CHKA: variants seen among roughly 807,000 people sequenced by gnomAD.
CHKA encodes the protein choline kinase alpha, also known as CHETK-alpha.
In CHKA, 34 loss-of-function variants were observed where a neutral mutation model predicts 60.1. That is an observed-to-expected ratio of 0.57 (90% CI 0.43 to 0.75). The LOEUF (loss-of-function observed/expected upper bound fraction) is 0.75. CHKA is among the 30% of genes least tolerant of loss of function. The pLI, the probability that CHKA is intolerant of heterozygous loss-of-function variation, is 0.00. For missense variants in CHKA, 563 were observed against 561.3 expected (o/e 1.00, Z -0.03); for synonymous variants, 217 against 223.1 (o/e 0.97, Z 0.24).
At chr11:68,094,609 A>G (rs897973611) in intron 2 of CHKA, among the ~76,000 whole-genome samples, 3 of 152,198 alleles carry the variant, frequency 2.0e-5, no homozygotes, top group Non-Finnish European at 2.9e-5. Context: ...ATACTTTGAA[A>G]CTGCAACCTG....
Position 68,121,042 on chromosome 11 carries a change from T to C in CHKA, c.136A>G (p.Lys46Glu), listed in dbSNP as rs1858626932. The change falls in exon 1 of 12, where the codon AAG (lysine) becomes GAG (glutamate). Residue 46 changes from lysine (K) to glutamate (E), a missense_variant. By Grantham distance (56) the Lys-to-Glu change is moderately conservative. Coordinates refer to ENST00000265689, the MANE Select transcript of CHKA (RefSeq NM_001277.3). The part of the protein sequence containing the change: ...QRDAASDLES[K>E]QLGGQQPPLA... ...GGCGGCTGTTGGCCGCCCAGCTGCT[T>C]GGACTCGAGGTCGCTGGCGGCGTCG... is the stretch of plus-strand genomic sequence containing the variant. 2 of 1,105,844 alleles carry C rather than the reference T, an allele frequency of 1.8e-6. No homozygotes were observed. Among genetic ancestry groups the C allele is most frequent in the Non-Finnish European group, 2.2e-6 (2 of 908,858 alleles). 68.5% of individuals were successfully genotyped at this position (1,105,844 alleles called of 1,614,324 possible).
At chr11:68,120,352 C>G (rs1038829957) in intron 1 of CHKA, among the ~76,000 whole-genome samples, 8 of 152,200 alleles carry the variant, frequency 5.3e-5, no homozygotes, top group African/African-American at 1.9e-4. Flanking sequence ...AATGCTACTC[C>G]TCCACTAACA....
At chr11:68,117,959 G>C (rs1858454887) in intron 1 of CHKA, among the ~76,000 whole-genome samples, 1 of 152,196 alleles carries the variant, frequency 6.6e-6, no homozygotes, top group Non-Finnish European at 1.5e-5. Context: ...CTGGGGGAAT[G>C]CAGAGTTAGA....
rs145407661 is a variant in CHKA at position 68,088,588 on chromosome 11, T to C, written c.463-7131A>G. On this transcript the variant is annotated intron_variant, in intron 2 of 11. Coordinates refer to ENST00000265689, the MANE Select transcript of CHKA (RefSeq NM_001277.3). ...ACTCTATAGAATGTGTTCAATTCTA[T>C]AGAATTGAAAGAGTTATGTGACTCT... is the stretch of plus-strand genomic sequence containing the variant. Among the ~76,000 whole-genome samples the C allele has an allele frequency of 1.1e-3, 160 of 152,300 alleles. 1 individual carries two copies. Among genetic ancestry groups the C allele is most frequent in the East Asian group, 5.6e-3 (29 of 5,194 alleles).
At chr11:68,092,997 T>C (rs1222351241) in intron 2 of CHKA, among the ~76,000 whole-genome samples, 2 of 35,598 alleles carry the variant, frequency 5.6e-5, no homozygotes, top group Non-Finnish European at 1.1e-4. Flanking sequence ...TCCCATCCAG[T>C]TTTTTTTGGG....
chr11:68,105,685 G>A (rs954090896), intron 1 of CHKA, among the ~76,000 whole-genome samples: 5 of 152,134 alleles, frequency 3.3e-5, no homozygotes, highest in Admixed American at 1.3e-4. Context: ...TGCTTAGGCA[G>A]ATGACAAACC....
In CHKA at chr11:68,070,712, T is replaced by C. The variant is rs375282627; in HGVS notation, c.764+12A>G. The C allele has an allele frequency of 2.2e-5, 35 of 1,607,364 alleles. No homozygotes were observed. Among genetic ancestry groups the C allele is most frequent in the Non-Finnish European group, 2.8e-5 (33 of 1,174,336 alleles). The stretch of plus-strand genomic sequence containing the variant: ...TAAAACTATGTTAGGACCAAGTGAT[T>C]TGACCACTTACTTTTCCATTGTGCC... On this transcript the variant is annotated intron_variant, in intron 5 of 11. Transcript: ENST00000265689.
chr11:68,109,026 A>T (rs550704416), intron 1 of CHKA, among the ~76,000 whole-genome samples: 2 of 152,096 alleles, frequency 1.3e-5, no homozygotes, highest in Non-Finnish European at 2.9e-5. Context: ...AGGGGGGGAA[A>T]AAATCCCTTC....
intron 1 of CHKA, among the ~76,000 whole-genome samples, chr11:68,113,764 G>A (rs1858270861): frequency 6.6e-6 from 1 of 152,078 alleles, no homozygotes; most frequent in East Asian, 1.9e-4. Flanking sequence ...GGAGGCCGAG[G>A]CAGGTGGATC....
In CHKA at chr11:68,067,205, T is replaced by C. The variant is rs367700436; in HGVS notation, c.929-689A>G. ...GCTGCTGGCACCAGTGAGCCAACCT[T>C]CGCTAGGTTTTCAGCAGCTCTCTCT... On this transcript the variant is annotated intron_variant, in intron 7 of 11. Coordinates refer to ENST00000265689, the MANE Select transcript of CHKA (RefSeq NM_001277.3). 2.6e-5 allele frequency among the ~76,000 whole-genome samples: 4 copies of C among 152,196 alleles called. No homozygotes were observed. In the East Asian group the frequency reaches 5.8e-4, roughly 22 times the overall value.
intron 1 of CHKA, among the ~76,000 whole-genome samples, chr11:68,102,078 T>C (rs1234348981): frequency 6.8e-6 from 1 of 146,054 alleles, no homozygotes; most frequent in East Asian, 2.0e-4. Flanking sequence ...CCAGCCTGGG[T>C]GACAGAGCAA....
At chr11:68,084,893 A>G (rs1258402115) in intron 2 of CHKA, among the ~76,000 whole-genome samples, 1 of 152,208 alleles carries the variant, frequency 6.6e-6, no homozygotes, top group Non-Finnish European at 1.5e-5. Flanking sequence ...GAAATTCCCC[A>G]TAATAAAAAC....
chr11:68,065,924 A>G (rs1856427353), intron 8 of CHKA, 30 bp from the exon 9 acceptor site: 3 of 1,505,356 alleles, frequency 2.0e-6, no homozygotes, highest in African/African-American at 1.4e-5. Flanking sequence ...AGTGCACACA[A>G]TGAGGCAAAC....
At chr11:68,072,806 T>TCTTG (rs1856663699) in intron 4 of CHKA, among the ~76,000 whole-genome samples, 1 of 151,884 alleles carries the variant, frequency 6.6e-6, no homozygotes, top group Non-Finnish European at 1.5e-5. Flanking sequence ...CCAGCCAGGG[T>TCTTG]AACACAGCAA....
intron 11 of CHKA, chr11:68,061,711 T>G (rs1856253317): frequency 1.8e-6 from 1 of 563,442 alleles, no homozygotes; most frequent in Non-Finnish European, 3.4e-6. Context: ...CAAGGTCAGC[T>G]GGCCTGGAAG....
intron 2 of CHKA, among the ~76,000 whole-genome samples, chr11:68,087,660 A>G (rs936322156): frequency 3.3e-5 from 5 of 152,194 alleles, no homozygotes; most frequent in Non-Finnish European, 7.3e-5. Flanking sequence ...AAGAAAATTA[A>G]GAAACATGGA....
In CHKA at chr11:68,073,622, G is replaced by A. The variant is rs541223508; in HGVS notation, c.630+1095C>T. 3.3e-5 allele frequency among the ~76,000 whole-genome samples: 5 copies of A among 152,320 alleles called. No homozygotes were observed. The East Asian group carries it at 7.7e-4, about 24-fold the overall frequency. ...ACTAGCACAGACGGACAGTGCCACT[G>A]TCAACTAGAAGAGGATACCTCTTCT... On this transcript the variant is annotated intron_variant, in intron 4 of 11. Coordinates refer to ENST00000265689, the MANE Select transcript of CHKA (RefSeq NM_001277.3).
intron 1 of CHKA, among the ~76,000 whole-genome samples, chr11:68,102,099 C>CAAAA (rs199998491): frequency 1.1e-5 from 1 of 94,018 alleles, no homozygotes; most frequent in African/African-American, 4.5e-5. Flanking sequence ...GACTCTGTCT[C>CAAAA]AAAAAAAAAA....
At chr11:68,119,889 T>C (rs1858547206) in intron 1 of CHKA, among the ~76,000 whole-genome samples, 2 of 152,180 alleles carry the variant, frequency 1.3e-5, no homozygotes, top group African/African-American at 4.8e-5. Context: ...CCTACACGCG[T>C]ACTTCTGTAA....
Sources: gnomAD v4.1 joint callset for allele counts (sites outside exome capture counted in the v4.1 genomes callset) on GRCh38, gnomAD v4.1.1 for gene constraint, MANE v1.5 for transcripts, NCBI Gene and HGNC (gene_info 2026-07-23, HGNC 2026-07-21) for gene names.